The following BMAL2 variants were observed in gnomAD, a reference collection of about 807,000 sequenced individuals.
BMAL2 encodes the protein basic helix-loop-helix ARNT-like protein 2.
chr12:27,350,583 AG>A, the BMAL2 span, among the ~76,000 whole-genome samples: 1 of 152,270 alleles, frequency 6.6e-6, no homozygotes, highest in Admixed American at 6.5e-5. Flanking sequence ...GAAAACAAGA[AG>A]GGCTGTGTAC....
chr12:27,420,182 G>T, the BMAL2 span, among the ~76,000 whole-genome samples: 1 of 152,144 alleles, frequency 6.6e-6, no homozygotes, highest in Non-Finnish European at 1.5e-5. Context: ...CAATTTATCT[G>T]ACAGAAGATT....
At chr12:27,391,826 G>A in the BMAL2 span, among the ~76,000 whole-genome samples, 1 of 152,162 alleles carries the variant, frequency 6.6e-6, no homozygotes, top group African/African-American at 2.4e-5. Flanking sequence ...CAGTCCTCAG[G>A]GGGATCTGTT....
At chr12:27,356,786 G>A in the BMAL2 span, among the ~76,000 whole-genome samples, 2 of 151,994 alleles carry the variant, frequency 1.3e-5, no homozygotes, top group South Asian at 2.1e-4. Context: ...GGTTTTGGGG[G>A]AACAGGTGGT....
the BMAL2 span, among the ~76,000 whole-genome samples, chr12:27,412,946 C>G: frequency 2.0e-5 from 3 of 151,088 alleles, no homozygotes; most frequent in Admixed American, 6.6e-5. Flanking sequence ...GCTTCCTCAG[C>G]AGAAACCTTG....
At chr12:27,393,983 G>T in the BMAL2 span, among the ~76,000 whole-genome samples, 1 of 152,176 alleles carries the variant, frequency 6.6e-6, no homozygotes, top group Admixed American at 6.5e-5. Context: ...TAACACACTT[G>T]TGCAGTGGTG....
chr12:27,355,502 T>A, the BMAL2 span, among the ~76,000 whole-genome samples: 1 of 152,240 alleles, frequency 6.6e-6, no homozygotes, highest in Non-Finnish European at 1.5e-5. Context: ...CAGCTCCTTC[T>A]GTGTGTCTCT....
the BMAL2 span, among the ~76,000 whole-genome samples, chr12:27,357,540 A>C: frequency 1.3e-5 from 2 of 152,230 alleles, no homozygotes; most frequent in Non-Finnish European, 2.9e-5. Flanking sequence ...GGAGCCAAAA[A>C]AGAATCCACA....
chr12:27,402,823 G>T, the BMAL2 span: 1 of 670,514 alleles, frequency 1.5e-6, no homozygotes, highest in Non-Finnish European at 2.4e-6. Flanking sequence ...TCCCAACTTT[G>T]GTTTAGAAGA....
At chr12:27,353,408 C>T in the BMAL2 span, among the ~76,000 whole-genome samples, 1 of 152,250 alleles carries the variant, frequency 6.6e-6, no homozygotes, top group South Asian at 2.1e-4. Context: ...CTTCTTTCAC[C>T]ATATACAAAA....
chr12:27,419,588 A>C, the BMAL2 span, among the ~76,000 whole-genome samples: 1 of 152,224 alleles, frequency 6.6e-6, no homozygotes, highest in Non-Finnish European at 1.5e-5. Flanking sequence ...CCAACACATG[A>C]ATTTTAGTGG....
chr12:27,334,377 G>C, the BMAL2 span, among the ~76,000 whole-genome samples: 2 of 152,182 alleles, frequency 1.3e-5, no homozygotes, highest in Non-Finnish European at 2.9e-5. Flanking sequence ...GAGTAAATGA[G>C]ATATGAGATA....
the BMAL2 span, among the ~76,000 whole-genome samples, chr12:27,377,000 CAAAAAAAAA>C: frequency 1.1e-5 from 1 of 91,748 alleles, no homozygotes; most frequent in Non-Finnish European, 2.0e-5. Context: ...AACTCCGTCT[CAAAAAAAAA>C]AAAAAAAAAA....
At chr12:27,334,784 G>A in the BMAL2 span, among the ~76,000 whole-genome samples, 6 of 152,238 alleles carry the variant, frequency 3.9e-5, no homozygotes, top group South Asian at 6.2e-4. Context: ...CGGGCTGGGA[G>A]AGCCCGCAGG....
chr12:27,416,633 A>T, the BMAL2 span, among the ~76,000 whole-genome samples: 180 of 152,292 alleles, frequency 1.2e-3, no homozygotes, highest in African/African-American at 4.2e-3. Flanking sequence ...GAGAAATTTT[A>T]TCTGACCAGG....
chr12:27,338,948 C>A, the BMAL2 span, among the ~76,000 whole-genome samples: 1 of 152,132 alleles, frequency 6.6e-6, no homozygotes, highest in African/African-American at 2.4e-5. Flanking sequence ...AAGGGAACTA[C>A]TACTATCTTT....
At chr12:27,359,095 C>G in the BMAL2 span, among the ~76,000 whole-genome samples, 1 of 152,102 alleles carries the variant, frequency 6.6e-6, no homozygotes, top group Non-Finnish European at 1.5e-5. Flanking sequence ...TCCAAGATGC[C>G]AAATCCTGTA....
the BMAL2 span, among the ~76,000 whole-genome samples, chr12:27,358,696 A>G: frequency 1.3e-5 from 2 of 152,126 alleles, no homozygotes; most frequent in East Asian, 1.9e-4. Context: ...TTGTACCTCT[A>G]TCTAGGTCTA....
chr12:27,420,018 T>C, the BMAL2 span, among the ~76,000 whole-genome samples: 20,960 of 57,182 alleles, frequency 0.37, 1,615 homozygotes, highest in African/African-American at 0.45. Flanking sequence ...GGTTTGCGCG[T>C]GCACACACAC....
chr12:27,384,661 A>G, the BMAL2 span, among the ~76,000 whole-genome samples: 2 of 152,234 alleles, frequency 1.3e-5, no homozygotes, highest in Non-Finnish European at 2.9e-5. Flanking sequence ...TCCTATGCAC[A>G]TATACCTATG....
Sources: gnomAD v4.1 joint callset for allele counts (sites outside exome capture counted in the v4.1 genomes callset) on GRCh38, gnomAD v4.1.1 for gene constraint, MANE v1.5 for transcripts, NCBI Gene and HGNC (gene_info 2026-07-23, HGNC 2026-07-21) for gene names.